Variants in CCDC91 observed in about 807,000 individuals in gnomAD.
CCDC91 encodes the protein coiled-coil domain containing 91, also known as coiled-coil domain-containing protein 91.
In CCDC91, 48 loss-of-function variants were observed where a neutral mutation model predicts 63.2. The observed-to-expected ratio is 0.76, with a 90% CI of 0.60 to 0.97. CCDC91 has a LOEUF of 0.97. Among genes scored for constraint, CCDC91 ranks in the 50% least tolerant of loss-of-function variants. The pLI is 0.00. For synonymous variants in CCDC91, 167 were observed against 165.8 expected (o/e 1.01, Z -0.06); for missense variants, 500 against 494.6 (o/e 1.01, Z -0.10).
At chr12:28,268,217 C>A (rs1473589232) in intron 3 of CCDC91, among the ~76,000 whole-genome samples, 1 of 151,202 alleles carries the variant, frequency 6.6e-6, no homozygotes, top group African/African-American at 2.4e-5. Flanking sequence ...GTGTGTGCCA[C>A]CATGCCCAGC....
chr12:28,409,647 T>G (rs1947192915), intron 8 of CCDC91, among the ~76,000 whole-genome samples: 1 of 152,134 alleles, frequency 6.6e-6, no homozygotes, highest in Non-Finnish European at 1.5e-5. Flanking sequence ...GGTCTTGCAT[T>G]GAGGCTTTTC....
At chr12:28,305,505 T>C in intron 3 of CCDC91, 144 bp from the exon 4 acceptor site, 1 of 692,524 alleles carries the variant, frequency 1.4e-6, no homozygotes, top group Non-Finnish European at 2.3e-6. Context: ...AGTCATAGAA[T>C]CCTGATTTTT....
At chr12:28,252,242 G>A (rs188249139) in intron 1 of CCDC91, among the ~76,000 whole-genome samples, 3 of 152,000 alleles carry the variant, frequency 2.0e-5, no homozygotes, top group Non-Finnish European at 2.9e-5. Flanking sequence ...GTGCCTTGCT[G>A]TGGGTTTTTT....
chr12:28,196,676 C>T (rs1308211475), intron 1 of CCDC91, among the ~76,000 whole-genome samples: 1 of 152,016 alleles, frequency 6.6e-6, no homozygotes, highest in Non-Finnish European at 1.5e-5. Context: ...TGTTATATTG[C>T]TTTTTTTGAT....
In CCDC91 at chr12:28,201,393, C is replaced by A. The variant is rs1192502175; in HGVS notation, c.-15+10752C>A. 3.7e-5 allele frequency among the ~76,000 whole-genome samples: 5 copies of A among 136,306 alleles called. No homozygotes were observed. In the East Asian group the frequency reaches 8.2e-4, roughly 22 times the overall value. The allele number at this position is 136,306 out of a possible 152,430, so 89.4% of individuals were successfully genotyped here. On this transcript the variant is annotated intron_variant, in intron 1 of 12. Coordinates refer to ENST00000536442, the MANE Select transcript of CCDC91 (RefSeq NM_018318.5). ...GGAGCTCCTCACATCCCAGGCGGGG[C>A]AGCGGGGCAGAGGCTCTCCCCACAT...
intron 11 of CCDC91, among the ~76,000 whole-genome samples, chr12:28,474,532 C>A (rs940753029): frequency 1.8e-4 from 28 of 151,862 alleles, no homozygotes; most frequent in African/African-American, 6.8e-4. Context: ...TTTTAAGCCA[C>A]TAAAGATTAA....
At chr12:28,268,352 T>C (rs10843146) in intron 3 of CCDC91, among the ~76,000 whole-genome samples, 30,825 of 151,956 alleles carry the variant, frequency 0.2, 4,043 homozygotes, top group Non-Finnish European at 0.3. Context: ...CGTGAGCCAC[T>C]GTGCCCAGCT....
intron 7 of CCDC91, among the ~76,000 whole-genome samples, chr12:28,364,954 A>G (rs1432082905): frequency 6.6e-6 from 1 of 152,184 alleles, no homozygotes; most frequent in African/African-American, 2.4e-5. Flanking sequence ...ATTTCTCCTC[A>G]GAGTACTATA....
intron 8 of CCDC91, among the ~76,000 whole-genome samples, chr12:28,394,261 T>C (rs1946134069): frequency 6.6e-6 from 1 of 152,098 alleles, no homozygotes; most frequent in Admixed American, 6.5e-5. Context: ...GGTCAGAAGA[T>C]TGAGACCATC....
intron 12 of CCDC91, among the ~76,000 whole-genome samples, chr12:28,491,987 T>G (rs1301296689): frequency 6.7e-6 from 1 of 149,306 alleles, no homozygotes; most frequent in African/African-American, 2.4e-5. Flanking sequence ...GTGTGTCTGT[T>G]TGAAGGACCT....
chr12:28,384,665 C>T (rs1256145131), intron 7 of CCDC91, among the ~76,000 whole-genome samples: 1 of 152,050 alleles, frequency 6.6e-6, no homozygotes, highest in Non-Finnish European at 1.5e-5. Flanking sequence ...AAAGAGAAAT[C>T]TGCTTTACTG....
intron 6 of CCDC91, among the ~76,000 whole-genome samples, chr12:28,344,367 G>GA (rs1399803640): frequency 6.6e-6 from 1 of 151,964 alleles, no homozygotes; most frequent in East Asian, 1.9e-4. Context: ...ATATGTATTA[G>GA]AAAAAACATT....
intron 6 of CCDC91, among the ~76,000 whole-genome samples, chr12:28,310,666 A>G (rs1939231766): frequency 1.3e-5 from 2 of 152,042 alleles, no homozygotes; most frequent in South Asian, 4.1e-4. Context: ...GTATGTCACC[A>G]TACCATCTCT....
intron 6 of CCDC91, among the ~76,000 whole-genome samples, chr12:28,326,234 GA>G (rs1940982245): frequency 6.6e-6 from 1 of 152,074 alleles, no homozygotes; most frequent in Non-Finnish European, 1.5e-5. Flanking sequence ...CTACAATTGT[GA>G]GACATTGCTG....
At chr12:28,294,045 G>A (rs1367981741) in intron 3 of CCDC91, among the ~76,000 whole-genome samples, 2 of 152,098 alleles carry the variant, frequency 1.3e-5, no homozygotes, top group Non-Finnish European at 2.9e-5. Context: ...AAACAGACAT[G>A]AACTCTGCTC....
At chr12:28,390,912 CT>C (rs34476958) in intron 7 of CCDC91, among the ~76,000 whole-genome samples, 2 of 149,282 alleles carry the variant, frequency 1.3e-5, no homozygotes, top group East Asian at 3.9e-4. Flanking sequence ...TATGTCTGGC[CT>C]TTTTTTCCTT....
intron 1 of CCDC91, among the ~76,000 whole-genome samples, chr12:28,200,943 G>A (rs1942206511): frequency 6.7e-6 from 1 of 148,364 alleles, no homozygotes; most frequent in African/African-American, 2.6e-5. Context: ...GCGGCTGGCC[G>A]GGCAGGGGGC....
At chr12:28,545,149 A>C (rs1324861692) in intron 12 of CCDC91, among the ~76,000 whole-genome samples, 3 of 152,070 alleles carry the variant, frequency 2.0e-5, no homozygotes, top group Non-Finnish European at 1.5e-5. Context: ...TATCAAAAAA[A>C]TATTTGCCAC....
chr12:28,417,237 T>C (rs1271083240), intron 8 of CCDC91, among the ~76,000 whole-genome samples: 1 of 152,112 alleles, frequency 6.6e-6, no homozygotes, highest in African/African-American at 2.4e-5. Flanking sequence ...ATGTTGGCTT[T>C]CATTTATTTT....
Sources: gnomAD v4.1 joint callset for allele counts (sites outside exome capture counted in the v4.1 genomes callset) on GRCh38, gnomAD v4.1.1 for gene constraint, MANE v1.5 for transcripts, NCBI Gene and HGNC (gene_info 2026-07-23, HGNC 2026-07-21) for gene names.